The following TM9SF2 variants were observed in gnomAD, a reference collection of about 807,000 sequenced individuals.
The protein encoded by TM9SF2 is 76 kDa membrane protein.
Under a neutral mutation model 84.9 loss-of-function variants are expected in TM9SF2, and 13 were observed. The observed-to-expected ratio is 0.15, with a 90% CI of 0.10 to 0.24. The LOEUF (loss-of-function observed/expected upper bound fraction) is 0.24, where lower values mean the gene tolerates loss of function less well. Among genes scored for constraint, TM9SF2 ranks in the 10% least tolerant of loss-of-function variants. The probability of loss-of-function intolerance (pLI) is 1.00; values close to 1 mark genes in which losing one functional copy is unlikely to be tolerated. For synonymous variants in TM9SF2, 273 were observed against 285.8 expected (o/e 0.96, Z 0.45); for missense variants, 562 against 818.5 (o/e 0.69, Z 3.82).
intron 16 of TM9SF2, among the ~76,000 whole-genome samples, chr13:99,560,826 C>T (rs1199190518): frequency 8.5e-5 from 13 of 152,060 alleles, no homozygotes; most frequent in Middle Eastern, 3.4e-3. Context: ...GGACTACAGG[C>T]GCCCGCCACT....
At chr13:99,529,420 A>G in intron 3 of TM9SF2, 47 bp from the exon 4 acceptor site, 1 of 1,461,150 alleles carries the variant, frequency 6.8e-7, no homozygotes, top group South Asian at 1.5e-5. Context: ...GGTATGAAAA[A>G]CCTGGATATT....
intron 7 of TM9SF2, among the ~76,000 whole-genome samples, chr13:99,540,288 A>G (rs1021208775): frequency 2.6e-5 from 4 of 151,798 alleles, no homozygotes; most frequent in African/African-American, 7.3e-5. Context: ...AGTAAATAGT[A>G]TATATTTCTA....
intron 3 of TM9SF2, among the ~76,000 whole-genome samples, chr13:99,522,888 A>G (rs1375187436): frequency 6.6e-6 from 1 of 152,204 alleles, no homozygotes; most frequent in East Asian, 1.9e-4. Context: ...TTTGGGGCCT[A>G]GTGCTTTTCA....
intron 4 of TM9SF2, among the ~76,000 whole-genome samples, chr13:99,531,385 T>G (rs770665122): frequency 2.6e-5 from 4 of 152,182 alleles, no homozygotes; most frequent in Admixed American, 6.5e-5. Flanking sequence ...TTAGATCACA[T>G]TGTTTGCTCA....
Position 99,501,520 on chromosome 13 carries a change from C to G in TM9SF2, c.-87C>G. Reference sequence around the variant, plus strand: ...GGGGGCCGGCTTCCTTTATCTCTGGCGGCCTTGTAGTCGTCTCCGAGACTC... The same window carrying G: ...GGGGGCCGGCTTCCTTTATCTCTGGGGGCCTTGTAGTCGTCTCCGAGACTC... On this transcript the variant is annotated 5_prime_UTR_variant, in exon 1 of 17. Transcript: ENST00000376387. 1.3e-6 allele frequency: 2 copies of G among 1,488,892 alleles called. No homozygotes were observed. Among genetic ancestry groups the G allele is most frequent in the Non-Finnish European group, 1.8e-6 (2 of 1,108,780 alleles). 92.2% of individuals were successfully genotyped at this position (1,488,892 alleles called of 1,614,324 possible).
chr13:99,549,355 G>A, intron 12 of TM9SF2, 133 bp downstream of exon 12: 1 of 652,196 alleles, frequency 1.5e-6, no homozygotes, highest in Non-Finnish European at 2.6e-6. Flanking sequence ...TTTTGAAAAG[G>A]GGTAAAATAA....
chr13:99,520,768 A>G (rs987488928), intron 3 of TM9SF2, among the ~76,000 whole-genome samples: 1 of 152,088 alleles, frequency 6.6e-6, no homozygotes, highest in Admixed American at 6.5e-5. Context: ...TGGGGTTCCA[A>G]CATATTGGTC....
At chr13:99,551,622 A>G (rs76603322) in intron 12 of TM9SF2, among the ~76,000 whole-genome samples, 4,680 of 152,322 alleles carry the variant, frequency 0.031, 82 homozygotes, top group Non-Finnish European at 0.048. Flanking sequence ...TTACAACCAT[A>G]TTTTTAAAAA....
chr13:99,536,644 T>A lies in TM9SF2; in HGVS notation c.498T>A (p.Asp166Glu). ...VDNMPVTWCYDVEDGQRFCNP... is the reference protein window; with the variant it reads ...VDNMPVTWCYEVEDGQRFCNP... Reference sequence around the variant, plus strand: ...ATATGCCTGTAACGTGGTGTTACGATGTTGAAGATGGTCAGAGGTTCTGTA... The same window carrying A: ...ATATGCCTGTAACGTGGTGTTACGAAGTTGAAGATGGTCAGAGGTTCTGTA... Residue 166 changes from aspartate to glutamate, a missense_variant, in exon 5 of 17, where the codon GAT becomes GAA. By Grantham distance (45) the Asp-to-Glu change is conservative. Around this residue, in one of 4 missense-constraint regions of TM9SF2, gnomAD observed 267 missense variants for 316.7 expected, o/e 0.84. Coordinates refer to ENST00000376387, the MANE Select transcript of TM9SF2 (RefSeq NM_004800.3). The A allele has an allele frequency of 1.2e-6, 2 of 1,613,796 alleles. No individual in the cohort carries two copies. The highest frequency in any genetic ancestry group is 8.5e-7 in the Non-Finnish European group (1 of 1,179,744).
chr13:99,529,841 G>GGTACATAGA (rs1376557552), intron 4 of TM9SF2, among the ~76,000 whole-genome samples: 9 of 152,066 alleles, frequency 5.9e-5, no homozygotes, highest in African/African-American at 2.2e-4. Context: ...ACATAGATCT[G>GGTACATAGA]GTACATAGAG....
At chr13:99,512,169 A>T (rs777238237) in intron 1 of TM9SF2, among the ~76,000 whole-genome samples, 1 of 152,240 alleles carries the variant, frequency 6.6e-6, no homozygotes, top group Non-Finnish European at 1.5e-5. Context: ...ATAAACCTTT[A>T]TTCAGACTCA....
intron 3 of TM9SF2, among the ~76,000 whole-genome samples, chr13:99,525,313 C>G (rs1372910712): frequency 6.6e-6 from 1 of 152,172 alleles, no homozygotes. Context: ...GTGATCTCAG[C>G]TCACTGCAAC....
intron 1 of TM9SF2, among the ~76,000 whole-genome samples, chr13:99,502,788 A>G (rs1479840125): frequency 6.6e-6 from 1 of 152,232 alleles, no homozygotes; most frequent in Non-Finnish European, 1.5e-5. Context: ...AACGTTTACA[A>G]TCTATAAATA....
intron 4 of TM9SF2, among the ~76,000 whole-genome samples, chr13:99,530,002 T>C (rs1241151089): frequency 1.3e-5 from 2 of 152,036 alleles, no homozygotes; most frequent in African/African-American, 2.4e-5. Context: ...ATACTACATA[T>C]AGTCTATTAA....
At chr13:99,540,107 A>G (rs1389596589) in intron 7 of TM9SF2, among the ~76,000 whole-genome samples, 1 of 152,216 alleles carries the variant, frequency 6.6e-6, no homozygotes, top group African/African-American at 2.4e-5. Context: ...ATTGTCTTAG[A>G]AAATTGAAGG....
intron 1 of TM9SF2, among the ~76,000 whole-genome samples, chr13:99,504,993 C>T (rs2046082527): frequency 6.6e-6 from 1 of 151,842 alleles, no homozygotes. Flanking sequence ...ATATAAAATT[C>T]TAGGTAAAGA....
At chr13:99,521,659 GTTGAT>G (rs2046160760) in intron 3 of TM9SF2, among the ~76,000 whole-genome samples, 2 of 152,110 alleles carry the variant, frequency 1.3e-5, no homozygotes, top group Non-Finnish European at 2.9e-5. Flanking sequence ...TCCACTACAA[GTTGAT>G]TGGTTTTGAC....
intron 4 of TM9SF2, among the ~76,000 whole-genome samples, chr13:99,532,823 A>G (rs1029540866): frequency 2.0e-5 from 3 of 152,234 alleles, no homozygotes; most frequent in African/African-American, 7.2e-5. Flanking sequence ...TTACTGAATG[A>G]TTTGTAATCA....
At chr13:99,555,003 G>C (rs9517769) in intron 14 of TM9SF2, among the ~76,000 whole-genome samples, 86,803 of 151,764 alleles carry the variant, frequency 0.57, 25,849 homozygotes, top group East Asian at 0.7. Context: ...GAGCCATTCT[G>C]TGTGTGTGTA....
Sources: gnomAD v4.1 joint callset for allele counts (sites outside exome capture counted in the v4.1 genomes callset) on GRCh38, gnomAD v4.1.1 for gene constraint, gnomAD v4.1.1 regional missense constraint, MANE v1.5 for transcripts, NCBI Gene and HGNC (gene_info 2026-07-23, HGNC 2026-07-21) for gene names.